LRP1B: variants seen among roughly 807,000 people sequenced by gnomAD.
LRP1B encodes the protein low-density lipoprotein receptor-related protein 1B.
Under a neutral mutation model 556.6 loss-of-function variants are expected in LRP1B, and 217 were observed. The ratio of observed to expected loss-of-function variants is 0.39; its 90% CI spans 0.35 to 0.44. The LOEUF is 0.44. Ranked by LOEUF, LRP1B falls within the 20% of genes least tolerant of loss-of-function variation. The pLI, the probability that LRP1B is intolerant of heterozygous loss-of-function variation, is 1.00. For missense variants in LRP1B, 5,053 were observed against 5,620.8 expected (o/e 0.90, Z 3.23); for synonymous variants, 2,047 against 1,865.8 (o/e 1.10, Z -2.50).
At chr2:140,394,124 ATTTTT>A (rs34965660) in intron 66 of LRP1B, among the ~76,000 whole-genome samples, 1 of 122,504 alleles carries the variant, frequency 8.2e-6, no homozygotes, top group Non-Finnish European at 1.7e-5. Flanking sequence ...ACTGGCACAT[ATTTTT>A]TTTTTTTTTT....
chr2:140,605,735 C>T (rs762734781), intron 41 of LRP1B, among the ~76,000 whole-genome samples: 4 of 143,392 alleles, frequency 2.8e-5, no homozygotes, highest in African/African-American at 5.0e-5. Flanking sequence ...TTCTAGTATA[C>T]GGTCTCTCTC....
intron 41 of LRP1B, among the ~76,000 whole-genome samples, chr2:140,640,378 G>GTTTTTT (rs1684241670): frequency 4.9e-5 from 3 of 61,118 alleles, no homozygotes; most frequent in African/African-American, 1.8e-4. Context: ...CCCTTGTCCT[G>GTTTTTT]TTTTCTTTTT....
At chr2:141,604,111 A>T (rs1478914382) in intron 2 of LRP1B, among the ~76,000 whole-genome samples, 1 of 152,226 alleles carries the variant, frequency 6.6e-6, no homozygotes, top group Non-Finnish European at 1.5e-5. Context: ...TATGAAATGT[A>T]TATCGATGGA....
chr2:141,122,882 A>G (rs1435528417), intron 7 of LRP1B, among the ~76,000 whole-genome samples: 1 of 152,180 alleles, frequency 6.6e-6, no homozygotes, highest in African/African-American at 2.4e-5. Flanking sequence ...TGGATTAAGA[A>G]AATGTGGCAC....
chr2:141,670,984 A>G (rs1393711062), intron 2 of LRP1B, among the ~76,000 whole-genome samples: 3 of 152,214 alleles, frequency 2.0e-5, no homozygotes, highest in Non-Finnish European at 4.4e-5. Context: ...ATATAATGGT[A>G]TCATGTGCTG....
chr2:140,433,801 T>C (rs1192928871), intron 66 of LRP1B, among the ~76,000 whole-genome samples: 1 of 151,926 alleles, frequency 6.6e-6, no homozygotes, highest in African/African-American at 2.4e-5. Context: ...TTTCAATAAA[T>C]AGTATCACTT....
chr2:140,935,709 C>A (rs1695183190), intron 20 of LRP1B, among the ~76,000 whole-genome samples: 1 of 152,042 alleles, frequency 6.6e-6, no homozygotes, highest in South Asian at 2.1e-4. Flanking sequence ...CACCAACACA[C>A]ATTATAAGCA....
chr2:140,932,759 G>A (rs1177295134), intron 20 of LRP1B, among the ~76,000 whole-genome samples: 2 of 150,436 alleles, frequency 1.3e-5, no homozygotes, highest in Admixed American at 6.7e-5. Flanking sequence ...TGCACCTGTA[G>A]TCCCAGCTAC....
At chr2:141,795,178 G>A (rs568923137) in intron 2 of LRP1B, among the ~76,000 whole-genome samples, 1 of 152,138 alleles carries the variant, frequency 6.6e-6, no homozygotes, top group African/African-American at 2.4e-5. Flanking sequence ...ACCGTAGTAC[G>A]ATCTAATGGT....
chr2:141,416,138 G>T (rs1262138149), intron 3 of LRP1B, among the ~76,000 whole-genome samples: 3 of 152,102 alleles, frequency 2.0e-5, no homozygotes, highest in African/African-American at 7.2e-5. Flanking sequence ...AATATATGCA[G>T]TGAAAATGTA....
intron 18 of LRP1B, among the ~76,000 whole-genome samples, chr2:140,953,436 TG>T (rs2105305368): frequency 6.6e-6 from 1 of 152,300 alleles, no homozygotes; most frequent in African/African-American, 2.4e-5. Flanking sequence ...TGACATTTTG[TG>T]ACTAATATTT....
At chr2:140,473,684 CACCT>C (rs1459431066) in intron 60 of LRP1B, among the ~76,000 whole-genome samples, 1 of 151,814 alleles carries the variant, frequency 6.6e-6, no homozygotes, top group Non-Finnish European at 1.5e-5. Flanking sequence ...TTTAAATAGT[CACCT>C]ACCTAATAAC....
intron 2 of LRP1B, among the ~76,000 whole-genome samples, chr2:141,518,228 G>A (rs1454102126): frequency 6.6e-6 from 1 of 152,116 alleles, no homozygotes; most frequent in Non-Finnish European, 1.5e-5. Flanking sequence ...AGAGGAAGGA[G>A]CCTGTCCTCA....
intron 2 of LRP1B, among the ~76,000 whole-genome samples, chr2:141,602,192 CT>C (rs1333517930): frequency 1.3e-5 from 2 of 152,168 alleles, no homozygotes; most frequent in Non-Finnish European, 2.9e-5. Flanking sequence ...TCTGAATAGT[CT>C]TCAGTGCTTC....
intron 7 of LRP1B, among the ~76,000 whole-genome samples, chr2:141,138,006 T>C (rs978077924): frequency 2.0e-5 from 3 of 151,938 alleles, no homozygotes; most frequent in East Asian, 1.9e-4. Flanking sequence ...ACCACAGATC[T>C]ACCTCCCACA....
intron 1 of LRP1B, among the ~76,000 whole-genome samples, chr2:142,040,053 T>C (rs1277392194): frequency 2.0e-5 from 3 of 151,644 alleles, no homozygotes; most frequent in East Asian, 1.9e-4. Flanking sequence ...TGAATTGATA[T>C]AGTGTGTCTT....
rs147007312 is a variant in LRP1B at position 141,497,741 on chromosome 2, G to A, written c.206-17208C>T. Among the ~76,000 whole-genome samples the A allele has an allele frequency of 1.0e-3, 159 of 152,020 alleles. 5 individuals carry two copies. The East Asian group carries it at 0.026, about 25-fold the overall frequency. On this transcript the variant is annotated intron_variant, in intron 2 of 90. Transcript: ENST00000389484. ...AGCGCAAATCTACTGAACAAACTAT[G>A]ATGATAAATTACAAAATCCTGAAGA... is the stretch of plus-strand genomic sequence containing the variant.
At chr2:140,503,719 A>C (rs7421282) in intron 53 of LRP1B, among the ~76,000 whole-genome samples, 2 of 152,114 alleles carry the variant, frequency 1.3e-5, no homozygotes, top group Admixed American at 1.3e-4. Context: ...GCCTATTTGT[A>C]AATACAACTT....
chr2:140,319,911 C>A (rs1680008032), intron 82 of LRP1B, among the ~76,000 whole-genome samples: 1 of 152,118 alleles, frequency 6.6e-6, no homozygotes, highest in African/African-American at 2.4e-5. Flanking sequence ...GTCCAAAATA[C>A]CAATCATGAT....
Sources: gnomAD v4.1 joint callset for allele counts (sites outside exome capture counted in the v4.1 genomes callset) on GRCh38, gnomAD v4.1.1 for gene constraint, MANE v1.5 for transcripts, NCBI Gene and HGNC (gene_info 2026-07-23, HGNC 2026-07-21) for gene names.